The following XPNPEP1 variants were observed in gnomAD, a reference collection of about 807,000 sequenced individuals.
XPNPEP1 encodes X-prolyl aminopeptidase 1.
Under a neutral mutation model 92.4 loss-of-function variants are expected in XPNPEP1, and 39 were observed. The ratio of observed to expected loss-of-function variants is 0.42; its 90% CI spans 0.33 to 0.55. XPNPEP1 has a LOEUF of 0.55. Among genes scored for constraint, XPNPEP1 ranks in the 20% least tolerant of loss-of-function variants. The probability of loss-of-function intolerance (pLI) is 0.08; values close to 1 mark genes in which losing one functional copy is unlikely to be tolerated. For missense variants in XPNPEP1, 654 were observed against 856.1 expected, an observed-to-expected ratio of 0.76 and a Z score of 2.95; for synonymous variants, 307 against 299.4, an observed-to-expected ratio of 1.03 and a Z score of -0.26.
intron 2 of XPNPEP1, among the ~76,000 whole-genome samples, chr10:109,909,758 GAAT>G (rs1271950363): frequency 6.6e-6 from 1 of 152,106 alleles, no homozygotes; most frequent in Non-Finnish European, 1.5e-5. Flanking sequence ...ATTCAAAGTA[GAAT>G]AATGAGTTTT....
intron 16 of XPNPEP1, among the ~76,000 whole-genome samples, chr10:109,872,772 C>T (rs186753710): frequency 5.3e-4 from 81 of 152,318 alleles, no homozygotes; most frequent in East Asian, 1.2e-3. Flanking sequence ...CACAGCCACC[C>T]GGGAAGGTGG....
Position 109,903,482 on chromosome 10 carries a change from C to T in XPNPEP1, c.246+4209G>A, listed in dbSNP as rs748708524. 2.6e-5 allele frequency among the ~76,000 whole-genome samples: 4 copies of T among 152,196 alleles called. No homozygotes were observed. In the East Asian group the frequency reaches 7.7e-4, roughly 29 times the overall value. Reference sequence around the variant, plus strand: ...TGCGGGAACCACCATCTGCTCAACACTAACAGGGTGACTGCAATCAAATCA... The same window carrying T: ...TGCGGGAACCACCATCTGCTCAACATTAACAGGGTGACTGCAATCAAATCA... On this transcript the variant is annotated intron_variant, in intron 3 of 20. Coordinates refer to ENST00000502935, the MANE Select transcript of XPNPEP1 (RefSeq NM_020383.4).
intron 3 of XPNPEP1, among the ~76,000 whole-genome samples, chr10:109,894,592 A>G (rs1371498609): frequency 6.6e-6 from 1 of 151,152 alleles, no homozygotes; most frequent in Admixed American, 6.6e-5. Flanking sequence ...TCACCAAGGC[A>G]CCGGCAATCA....
chr10:109,914,271 C>T (rs1850047925), intron 2 of XPNPEP1, among the ~76,000 whole-genome samples: 1 of 152,118 alleles, frequency 6.6e-6, no homozygotes. Context: ...CCTAAATGCA[C>T]ACTCAATTTA....
chr10:109,913,441 C>T (rs1036026444), intron 2 of XPNPEP1, among the ~76,000 whole-genome samples: 2 of 152,216 alleles, frequency 1.3e-5, no homozygotes, highest in Non-Finnish European at 2.9e-5. Context: ...TTAACACGGG[C>T]ACAGATGCTC....
rs570398908 is a variant in XPNPEP1, at chr10:109,873,571, G to A, written c.1392-144C>T. 2.7e-4 allele frequency: 241 copies of A among 881,850 alleles called. No homozygotes were observed. In the African/African-American group the frequency reaches 3.3e-3, roughly 12 times the overall value. The allele number at this position is 881,850 out of a possible 1,614,324, so 54.6% of individuals were successfully genotyped here. A position where few individuals can be genotyped will look rare whatever the true frequency, so the allele number is the denominator to read the frequency against. On this transcript the variant is annotated intron_variant, in intron 15 of 20. Coordinates refer to ENST00000502935, the MANE Select transcript of XPNPEP1 (RefSeq NM_020383.4). ...GCACAGCCATCTTTGCAAATAGTTC[G>A]CAGTTCCTTAAAAGGTTAAATATAG... is the stretch of plus-strand genomic sequence containing the variant.
intron 3 of XPNPEP1, among the ~76,000 whole-genome samples, chr10:109,899,298 G>A (rs1202018819): frequency 6.6e-6 from 1 of 152,166 alleles, no homozygotes; most frequent in African/African-American, 2.4e-5. Context: ...AATGAAATGT[G>A]GGTGAGAGGT....
chr10:109,874,931 A>G (rs933784712), intron 15 of XPNPEP1, among the ~76,000 whole-genome samples: 1 of 152,186 alleles, frequency 6.6e-6, no homozygotes, highest in Admixed American at 6.5e-5. Context: ...CCTGGGCTAC[A>G]GAGTGAGACT....
intron 3 of XPNPEP1, among the ~76,000 whole-genome samples, chr10:109,894,691 C>A (rs1207783674): frequency 6.6e-6 from 1 of 152,178 alleles, no homozygotes; most frequent in Non-Finnish European, 1.5e-5. Flanking sequence ...GCCACCTGCC[C>A]ACTAGCCCAG....
At chr10:109,871,942 T>G (rs1170446687) in intron 16 of XPNPEP1, 81 bp from the exon 17 acceptor site, 10 of 1,401,526 alleles carry the variant, frequency 7.1e-6, no homozygotes, top group Non-Finnish European at 8.8e-6. Context: ...CAGAAAATCC[T>G]GCCTGCTAAA....
At chr10:109,898,133 T>C (rs1849083188) in intron 3 of XPNPEP1, among the ~76,000 whole-genome samples, 1 of 152,220 alleles carries the variant, frequency 6.6e-6, no homozygotes. Flanking sequence ...AGACATCTCC[T>C]ACAACCAGCA....
intron 8 of XPNPEP1, among the ~76,000 whole-genome samples, chr10:109,885,812 C>CTT (rs2133417464): frequency 6.6e-6 from 1 of 152,324 alleles, no homozygotes; most frequent in African/African-American, 2.4e-5. Flanking sequence ...TGGGGAGGAA[C>CTT]TTTTAGTTCC....
Position 109,912,377 on chromosome 10 carries a change from TGAA to T in XPNPEP1, c.121+2631_121+2633del, listed in dbSNP as rs1849926058. Among the ~76,000 whole-genome samples, 4 of 152,244 alleles carry T rather than the reference TGAA, an allele frequency of 2.6e-5. No individual in the cohort carries two copies. The South Asian group carries it at 8.3e-4, about 32-fold the overall frequency. On this transcript the variant is annotated intron_variant, in intron 2 of 20. Coordinates refer to ENST00000502935, the MANE Select transcript of XPNPEP1 (RefSeq NM_020383.4). ...GGGGCAGTGGCAGCAACAGTGAAGG[TGAA>T]GAAGATAGCAACAGGCAATGGCTGA...
In XPNPEP1 at chr10:109,891,807, T is replaced by G; in HGVS notation, c.330A>C (p.Glu110Asp). The change falls in exon 5 of 21, where the codon GAA (glutamate) becomes GAC (aspartate). Residue 110 changes from glutamate (E) to aspartate (D), a missense_variant. Glu to Asp is a conservative substitution (Grantham distance 45). Coordinates refer to ENST00000502935, the MANE Select transcript of XPNPEP1 (RefSeq NM_020383.4). ...CGTCAGTCCACATGGCTGCATGCTC[T>G]TCTGTGATGATGGCTGTGCCTGAAG... ...DGSAGTAIIT[E>D]EHAAMWTDGR... is the part of the protein sequence containing the mutation. 1 of 1,608,922 alleles carries G rather than the reference T, an allele frequency of 6.2e-7. No homozygotes were observed. The highest frequency in any genetic ancestry group is 8.5e-7 in the Non-Finnish European group (1 of 1,178,514).
At position 109,870,780 on chromosome 10, in the gene XPNPEP1, G is replaced by T; in HGVS notation, c.1647C>A (p.Tyr549Ter). The change falls in exon 18 of 21, where the codon TAC becomes TAA. Residue 549 changes from tyrosine (Y) to a stop codon, truncating the protein, a stop_gained. Transcript: ENST00000502935. LOFTEE classifies it high-confidence loss of function. ...NVHEGPCGISYKTFSDEPLEA... is the reference protein window; with the variant it reads ...NVHEGPCGIS Reference sequence around the variant, plus strand: ...CCAAGGGCTCATCAGAGAATGTTTTGTAACTGATGCCGCAAGGACCCTCAT... The same window carrying T: ...CCAAGGGCTCATCAGAGAATGTTTTTTAACTGATGCCGCAAGGACCCTCAT... 2 of 1,614,126 alleles carry T rather than the reference G, an allele frequency of 1.2e-6. No homozygotes were observed. Among genetic ancestry groups the T allele is most frequent in the Non-Finnish European group, 1.7e-6 (2 of 1,180,030 alleles).
Position 109,865,335 on chromosome 10 carries a change from C to T in XPNPEP1, c.1873-23G>A, listed in dbSNP as rs750873254. On this transcript the variant is annotated intron_variant, in intron 20 of 20. Transcript: ENST00000502935. ...GCACTGCAGGGAAGAGAAGGACAGA[C>T]ACGGTATTCACCACTACATCTTTAA... 12 of 1,613,786 alleles carry T rather than the reference C, an allele frequency of 7.4e-6. No individual in the cohort carries two copies. The Admixed American group carries it at 1.7e-4, about 22-fold the overall frequency.
intron 1 of XPNPEP1, among the ~76,000 whole-genome samples, chr10:109,918,219 C>G (rs116301601): frequency 3.3e-5 from 5 of 149,956 alleles, no homozygotes; most frequent in African/African-American, 1.2e-4. Context: ...TCCCAGGGTT[C>G]GAGACTAGCT....
At chr10:109,912,666 T>C (rs544296296) in intron 2 of XPNPEP1, among the ~76,000 whole-genome samples, 1 of 152,352 alleles carries the variant, frequency 6.6e-6, no homozygotes, top group African/African-American at 2.4e-5. Flanking sequence ...ACTATACATA[T>C]GGCACTTAGA....
intron 1 of XPNPEP1, among the ~76,000 whole-genome samples, chr10:109,915,725 A>C (rs1850149393): frequency 6.6e-6 from 1 of 152,204 alleles, no homozygotes; most frequent in African/African-American, 2.4e-5. Context: ...TTAATTTATT[A>C]GCTAGAAGAT....
Sources: gnomAD v4.1 joint callset for allele counts (sites outside exome capture counted in the v4.1 genomes callset) on GRCh38, gnomAD v4.1.1 for gene constraint, MANE v1.5 for transcripts, NCBI Gene and HGNC (gene_info 2026-07-23, HGNC 2026-07-21) for gene names.